IL20RA: variants seen among roughly 807,000 people sequenced by gnomAD.
The protein encoded by IL20RA is interleukin-20 receptor subunit alpha.
IL20RA carries 29 observed loss-of-function variants against 36.5 expected under a neutral mutation model. That is an observed-to-expected ratio of 0.79 (90% CI 0.59 to 1.08). IL20RA has a LOEUF of 1.08. Among genes scored for constraint, IL20RA ranks in the 50% least tolerant of loss-of-function variants. The probability of loss-of-function intolerance (pLI) is 0.00; values close to 1 mark genes in which losing one functional copy is unlikely to be tolerated. For missense variants in IL20RA, 652 were observed against 668.4 expected (o/e 0.98, Z 0.27); for synonymous variants, 279 against 267.1 (o/e 1.04, Z -0.43).
chr6:137,007,105 C>T (rs139821859), intron 5 of IL20RA, among the ~76,000 whole-genome samples: 162 of 152,302 alleles, frequency 1.1e-3, no homozygotes, highest in African/African-American at 3.6e-3. Flanking sequence ...GTTGCTTTTG[C>T]TCCAATTGTG....
intron 1 of IL20RA, among the ~76,000 whole-genome samples, chr6:137,026,892 T>G (rs538790178): frequency 3.3e-5 from 5 of 152,218 alleles, no homozygotes; most frequent in Non-Finnish European, 7.3e-5. Flanking sequence ...GTCTTCTTTT[T>G]TTTTTTGAGA....
rs767396670 is a variant in IL20RA at position 137,008,674 on chromosome 6, G to A, written c.649C>T (p.His217Tyr). Residue 217 changes from histidine to tyrosine, a missense_variant, in exon 5 of 7, where the codon CAC becomes TAC. By Grantham distance (83) the His-to-Tyr change is moderately conservative. Coordinates refer to ENST00000316649, the MANE Select transcript of IL20RA (RefSeq NM_014432.4). ...GGCCCTGGGACGAAGGACTCCACGT[G>A]TACGCAGTAAAGAGTGTTCGGCTCC... ...WLEPNTLYCV[H>Y]VESFVPGPPR... The A allele has an allele frequency of 6.2e-7, 1 of 1,609,268 alleles. No homozygotes were observed. Among genetic ancestry groups the A allele is most frequent in the South Asian group, 1.1e-5 (1 of 89,358 alleles).
intron 1 of IL20RA, chr6:137,044,209 C>G: frequency 1.0e-6 from 1 of 987,542 alleles, no homozygotes; most frequent in Non-Finnish European, 1.2e-6. Flanking sequence ...GGCCCGGCGG[C>G]CGAGACGCGG....
intron 5 of IL20RA, among the ~76,000 whole-genome samples, chr6:137,008,157 G>T (rs1303678886): frequency 6.6e-6 from 1 of 151,986 alleles, no homozygotes; most frequent in East Asian, 1.9e-4. Flanking sequence ...TAGAGATGAG[G>T]TCTCACTATG....
chr6:137,008,489 A>T (rs1209097044), intron 5 of IL20RA, 110 bp downstream of exon 5: 1 of 1,177,578 alleles, frequency 8.5e-7, no homozygotes, highest in Admixed American at 2.5e-5. Context: ...CTTTGCCTCA[A>T]CCTGTTTCTG....
intron 1 of IL20RA, among the ~76,000 whole-genome samples, chr6:137,032,077 G>GA (rs151043154): frequency 0.024 from 3,558 of 146,228 alleles, 148 homozygotes; most frequent in African/African-American, 0.085. Context: ...AAAAAGAAAA[G>GA]AAAAAAAAGA....
intron 1 of IL20RA, among the ~76,000 whole-genome samples, chr6:137,032,052 C>CAAAAAA (rs11379045): frequency 2.1e-4 from 13 of 61,530 alleles, no homozygotes; most frequent in Admixed American, 5.0e-4. Context: ...GATTCTGTCT[C>CAAAAAA]AAAAAAAAAA....
chr6:137,041,815 A>AATATAT (rs71009524), intron 1 of IL20RA, among the ~76,000 whole-genome samples: 25 of 149,110 alleles, frequency 1.7e-4, no homozygotes, highest in African/African-American at 4.7e-4. Context: ...TTTTTTTTTA[A>AATATAT]ATATATATAT....
chr6:137,021,013 C>T (rs1048903964), intron 1 of IL20RA, among the ~76,000 whole-genome samples: 2 of 151,284 alleles, frequency 1.3e-5, no homozygotes, highest in Non-Finnish European at 2.9e-5. Context: ...ACAAAATATT[C>T]CTGTTATGAC....
At chr6:137,004,121 C>G (rs1312950746) in intron 6 of IL20RA, among the ~76,000 whole-genome samples, 1 of 146,012 alleles carries the variant, frequency 6.8e-6, no homozygotes, top group Non-Finnish European at 1.5e-5. Flanking sequence ...CTTTTCAAAG[C>G]TAAGGAAAAT....
chr6:137,021,585 A>G (rs1775909410), intron 1 of IL20RA, among the ~76,000 whole-genome samples: 1 of 151,722 alleles, frequency 6.6e-6, no homozygotes, highest in Non-Finnish European at 1.5e-5. Context: ...AGGTTGGGGC[A>G]GGAGAATCAC....
intron 1 of IL20RA, among the ~76,000 whole-genome samples, chr6:137,019,568 T>C (rs1775827662): frequency 6.6e-6 from 1 of 152,216 alleles, no homozygotes; most frequent in African/African-American, 2.4e-5. Flanking sequence ...TTTTGGTTGC[T>C]GTCATAAGGA....
At chr6:137,020,928 T>G in intron 1 of IL20RA, among the ~76,000 whole-genome samples, 1 of 152,192 alleles carries the variant, frequency 6.6e-6, no homozygotes, top group East Asian at 1.9e-4. Context: ...ATCAAACTAT[T>G]ATTCAGGGGC....
At chr6:137,042,411 C>T (rs531613022) in intron 1 of IL20RA, among the ~76,000 whole-genome samples, 1 of 152,302 alleles carries the variant, frequency 6.6e-6, no homozygotes, top group South Asian at 2.1e-4. Flanking sequence ...ATCTTAGTGA[C>T]TTTAAATGCC....
chr6:137,004,836 C>T (rs1012247282), intron 5 of IL20RA, 76 bp from the exon 6 acceptor site: 10 of 1,375,058 alleles, frequency 7.3e-6, no homozygotes, highest in Non-Finnish European at 9.9e-6. Flanking sequence ...TGGGAAAAAC[C>T]TCGTATCGTT....
intron 1 of IL20RA, among the ~76,000 whole-genome samples, chr6:137,021,502 CA>C (rs3041896): frequency 1.1e-4 from 16 of 140,132 alleles, no homozygotes; most frequent in African/African-American, 3.8e-4. Context: ...CTGTTTCTAG[CA>C]AAAAAAAAAA....
chr6:137,005,667 T>G (rs1775296), intron 5 of IL20RA, among the ~76,000 whole-genome samples: 96,607 of 151,846 alleles, frequency 0.64, 32,660 homozygotes, highest in East Asian at 0.91. Flanking sequence ...TGTTGTTGTT[T>G]TTTTTAATGG....
At position 137,034,946 on chromosome 6, in the gene IL20RA, G is replaced by GA. The variant is rs11309213; in HGVS notation, c.88+9694dup. Among the ~76,000 whole-genome samples the GA allele has an allele frequency of 1.9e-3, 222 of 118,526 alleles. 4 individuals carry two copies. The highest frequency in any genetic ancestry group is 0.011 in the East Asian group (45 of 4,114). The allele number at this position is 118,526 out of a possible 152,430, so 77.8% of individuals were successfully genotyped here. ...GGTGAAAGAGCGAGACTCCATCTCA[G>GA]AAAAAAAAAAAAAAAAAGAGTGGGA... On this transcript the variant is annotated intron_variant, in intron 1 of 6. Transcript: ENST00000316649.
At chr6:137,029,901 T>C (rs1037983335) in intron 1 of IL20RA, among the ~76,000 whole-genome samples, 10 of 149,688 alleles carry the variant, frequency 6.7e-5, no homozygotes, top group African/African-American at 2.2e-4. Flanking sequence ...AGAAGGAAAG[T>C]CAACAAGATA....
Sources: gnomAD v4.1 joint callset for allele counts (sites outside exome capture counted in the v4.1 genomes callset) on GRCh38, gnomAD v4.1.1 for gene constraint, MANE v1.5 for transcripts, NCBI Gene and HGNC (gene_info 2026-07-23, HGNC 2026-07-21) for gene names.